The following ZNF804A variants were observed in gnomAD, a reference collection of about 807,000 sequenced individuals.
ZNF804A encodes the protein zinc finger protein 804A.
ZNF804A carries 2 observed loss-of-function variants against 16.5 expected under a neutral mutation model. That is an observed-to-expected ratio of 0.12 (90% confidence interval 0.05 to 0.38). ZNF804A has a LOEUF of 0.38. Ranked by LOEUF, ZNF804A falls within the 10% of genes least tolerant of loss-of-function variation. The pLI is 0.99. For missense variants in ZNF804A, 1,473 were observed against 1,390.7 expected, an observed-to-expected ratio of 1.06 and a Z score of -0.94; for synonymous variants, 534 against 489.6, an observed-to-expected ratio of 1.09 and a Z score of -1.20.
chr2:184,860,418 T>G (rs1262433330), intron 1 of ZNF804A, among the ~76,000 whole-genome samples: 1 of 152,240 alleles, frequency 6.6e-6, no homozygotes, highest in Non-Finnish European at 1.5e-5. Context: ...AAGAACTGGC[T>G]TAGCAGTGAA....
At chr2:184,739,238 T>TA (rs1245850649) in intron 1 of ZNF804A, among the ~76,000 whole-genome samples, 1 of 152,208 alleles carries the variant, frequency 6.6e-6, no homozygotes, top group Non-Finnish European at 1.5e-5. Context: ...ACTCAAGGAA[T>TA]AAAAATAGTC....
intron 1 of ZNF804A, among the ~76,000 whole-genome samples, chr2:184,767,745 A>G (rs976535035): frequency 6.6e-6 from 1 of 152,120 alleles, no homozygotes; most frequent in Admixed American, 6.6e-5. Context: ...AGTAAAAAAC[A>G]CTTTAGGTAA....
At chr2:184,932,757 T>C (rs1685722416) in intron 2 of ZNF804A, among the ~76,000 whole-genome samples, 1 of 152,188 alleles carries the variant, frequency 6.6e-6, no homozygotes, top group Non-Finnish European at 1.5e-5. Context: ...GTGAAAATAT[T>C]TGTGGCACAA....
At chr2:184,806,106 T>C (rs1694798110) in intron 1 of ZNF804A, among the ~76,000 whole-genome samples, 1 of 151,880 alleles carries the variant, frequency 6.6e-6, no homozygotes, top group Admixed American at 6.6e-5. Flanking sequence ...GAAAAAAAAT[T>C]ATTTTTTTGT....
intron 1 of ZNF804A, among the ~76,000 whole-genome samples, chr2:184,703,176 A>G (rs1202648709): frequency 6.6e-6 from 1 of 152,176 alleles, no homozygotes. Context: ...AAACTGTAGT[A>G]TTTACTATTA....
In ZNF804A at chr2:184,935,904, T is replaced by A; in HGVS notation, c.508T>A (p.Leu170Met). The A allele has an allele frequency of 6.2e-7, 1 of 1,613,920 alleles. No individual in the cohort carries two copies. Among genetic ancestry groups the A allele is most frequent in the Non-Finnish European group, 8.5e-7 (1 of 1,179,904 alleles). Residue 170 changes from leucine (L) to methionine (M), a missense_variant, in exon 4 of 4, where the codon TTG becomes ATG. By Grantham distance (15) the Leu-to-Met change is conservative (BLOSUM62 2). Coordinates refer to ENST00000302277, the MANE Select transcript of ZNF804A (RefSeq NM_194250.2). The part of the protein sequence containing the change: ...VNNQQDFKYT[L>M]IHSEENTKDA... ...TAACCAGCAAGATTTCAAATATACT[T>A]TGATTCATAGTGAAGAGAATACTAA...
At chr2:184,807,644 T>C (rs1049176453) in intron 1 of ZNF804A, among the ~76,000 whole-genome samples, 9 of 151,840 alleles carry the variant, frequency 5.9e-5, no homozygotes, top group Non-Finnish European at 1.2e-4. Context: ...CCTTGAATAA[T>C]ATAACTACTT....
intron 1 of ZNF804A, among the ~76,000 whole-genome samples, chr2:184,700,171 G>A (rs1034507601): frequency 7.9e-5 from 12 of 151,974 alleles, no homozygotes; most frequent in African/African-American, 2.7e-4. Flanking sequence ...GTAAATCTGG[G>A]CCATTTATTT....
At chr2:184,629,622 A>G (rs1193117864) in intron 1 of ZNF804A, among the ~76,000 whole-genome samples, 1 of 152,190 alleles carries the variant, frequency 6.6e-6, no homozygotes, top group African/African-American at 2.4e-5. Flanking sequence ...ACATTAAAAT[A>G]AAAAGCCTTT....
At chr2:184,754,770 T>G (rs1356797951) in intron 1 of ZNF804A, among the ~76,000 whole-genome samples, 2 of 151,882 alleles carry the variant, frequency 1.3e-5, no homozygotes, top group Non-Finnish European at 2.9e-5. Context: ...TCATCTTTTT[T>G]TTAAAAAAAA....
chr2:184,798,709 T>C (rs2105781780), intron 1 of ZNF804A, among the ~76,000 whole-genome samples: 1 of 152,318 alleles, frequency 6.6e-6, no homozygotes, highest in Non-Finnish European at 1.5e-5. Flanking sequence ...GCTAAATAAC[T>C]AACCTCCTGA....
chr2:184,672,791 G>C (rs567000800), intron 1 of ZNF804A, among the ~76,000 whole-genome samples: 1 of 151,638 alleles, frequency 6.6e-6, no homozygotes, highest in African/African-American at 2.4e-5. Flanking sequence ...ACCCAGGCTG[G>C]AGTGCAGTGG....
At chr2:184,700,613 A>T (rs1692903832) in intron 1 of ZNF804A, among the ~76,000 whole-genome samples, 1 of 152,110 alleles carries the variant, frequency 6.6e-6, no homozygotes, top group Non-Finnish European at 1.5e-5. Flanking sequence ...ATTGGAAGAC[A>T]ACCTTGAATG....
chr2:184,794,598 A>G (rs1379714060), intron 1 of ZNF804A, among the ~76,000 whole-genome samples: 3 of 151,968 alleles, frequency 2.0e-5, no homozygotes. Context: ...AAGAAAGACA[A>G]AAAAACCAAG....
At chr2:184,741,986 C>T (rs1305018345) in intron 1 of ZNF804A, among the ~76,000 whole-genome samples, 1 of 151,794 alleles carries the variant, frequency 6.6e-6, no homozygotes, top group African/African-American at 2.4e-5. Context: ...AATATTTTTG[C>T]ATTTTAATTT....
intron 2 of ZNF804A, among the ~76,000 whole-genome samples, chr2:184,879,069 A>C (rs763718813): frequency 6.6e-6 from 1 of 152,168 alleles, no homozygotes; most frequent in African/African-American, 2.4e-5. Flanking sequence ...AATTATGTCT[A>C]TACTACTACA....
intron 1 of ZNF804A, among the ~76,000 whole-genome samples, chr2:184,849,443 G>T (rs955144331): frequency 6.6e-6 from 1 of 151,922 alleles, no homozygotes; most frequent in Admixed American, 6.6e-5. Flanking sequence ...TGCTAATAAT[G>T]CAGAAGAATG....
At chr2:184,810,361 C>T (rs1694872802) in intron 1 of ZNF804A, among the ~76,000 whole-genome samples, 1 of 151,970 alleles carries the variant, frequency 6.6e-6, no homozygotes. Context: ...TGTTCTGGCA[C>T]CAGTGCACAC....
At chr2:184,691,809 A>T (rs568885260) in intron 1 of ZNF804A, among the ~76,000 whole-genome samples, 3 of 151,900 alleles carry the variant, frequency 2.0e-5, no homozygotes, top group African/African-American at 4.8e-5. Context: ...TAAATACTTT[A>T]TACTATATAT....
Sources: allele counts gnomAD v4.1 joint callset (sites outside exome capture counted in the v4.1 genomes callset), GRCh38; gene constraint gnomAD v4.1.1; transcripts MANE v1.5; gene names NCBI Gene and HGNC (gene_info 2026-07-23, HGNC 2026-07-21).